Variants in RGS7 observed in about 807,000 individuals in gnomAD.
RGS7 encodes the protein regulator of G protein signaling 7, also known as regulator of G-protein signaling 7.
Under a neutral mutation model 81.1 loss-of-function variants are expected in RGS7, and 27 were observed. The observed-to-expected ratio is 0.33, with a 90% CI of 0.25 to 0.46. RGS7 has a LOEUF of 0.46. Among genes scored for constraint, RGS7 ranks in the 20% least tolerant of loss-of-function variants. The pLI, the probability that RGS7 is intolerant of heterozygous loss-of-function variation, is 1.00. For synonymous variants in RGS7, 208 were observed against 207.7 expected, an observed-to-expected ratio of 1.00 and a Z score of -0.01; for missense variants, 396 against 607.4, an observed-to-expected ratio of 0.65 and a Z score of 3.66.
At chr1:241,213,359 C>T (rs2074362524) in intron 2 of RGS7, among the ~76,000 whole-genome samples, 3 of 152,224 alleles carry the variant, frequency 2.0e-5, no homozygotes, top group East Asian at 1.9e-4. Context: ...CTCAGGCTGT[C>T]GGAACTCATG....
At chr1:240,999,631 C>CAG (rs1249147527) in intron 3 of RGS7, among the ~76,000 whole-genome samples, 1 of 152,132 alleles carries the variant, frequency 6.6e-6, no homozygotes, top group Non-Finnish European at 1.5e-5. Flanking sequence ...TACAGCGTCT[C>CAG]ACTCTGTCAC....
chr1:241,146,776 C>T lies in RGS7; in HGVS notation c.79-48014G>A, dbSNP rs117523918. On this transcript the variant is annotated intron_variant, in intron 2 of 18. Transcript: ENST00000440928. ...TTATACACAACAGGAATGTATTGCT[C>T]ACAGTTCTGGAGGCTGGGAAGTCCA... Among the ~76,000 whole-genome samples, 479 of 152,262 alleles carry T rather than the reference C, an allele frequency of 3.1e-3. 12 individuals carry two copies. In the East Asian group the frequency reaches 0.059, roughly 19 times the overall value.
chr1:241,148,506 C>T (rs2068519621), intron 2 of RGS7, among the ~76,000 whole-genome samples: 2 of 152,226 alleles, frequency 1.3e-5, no homozygotes, highest in African/African-American at 2.4e-5. Flanking sequence ...TATTCCCAGA[C>T]CTCAGCTCAG....
At chr1:240,953,006 T>C (rs1291697172) in intron 4 of RGS7, among the ~76,000 whole-genome samples, 1 of 151,936 alleles carries the variant, frequency 6.6e-6, no homozygotes, top group African/African-American at 2.4e-5. Flanking sequence ...AAATTGATTA[T>C]GAAGATCACT....
intron 2 of RGS7, among the ~76,000 whole-genome samples, chr1:241,104,784 A>T (rs2064998879): frequency 6.6e-6 from 1 of 152,200 alleles, no homozygotes; most frequent in Non-Finnish European, 1.5e-5. Context: ...TAGTAAAACT[A>T]TCTGTTTTCC....
At chr1:241,019,811 TA>T (rs2059450881) in intron 3 of RGS7, among the ~76,000 whole-genome samples, 1 of 152,236 alleles carries the variant, frequency 6.6e-6, no homozygotes, top group African/African-American at 2.4e-5. Flanking sequence ...AGTGCCACAA[TA>T]AACATGCATG....
rs10567618 is a variant in RGS7 at position 240,982,422 on chromosome 1, C to CA, written c.226+656dup. The stretch of plus-strand genomic sequence containing the variant: ...GGGCAACAAGAGTGAAACTCTGCCT[C>CA]AAAAAAAAAAAAAAAAAAAAAAAAA... On this transcript the variant is annotated intron_variant, in intron 4 of 18. Coordinates refer to ENST00000440928, the MANE Select transcript of RGS7 (RefSeq NM_001364886.1). Among the ~76,000 whole-genome samples the CA allele has an allele frequency of 2.4e-3, 159 of 66,222 alleles. 2 individuals are homozygous for CA. The highest frequency in any genetic ancestry group is 3.7e-3 in the African/African-American group (60 of 16,044). 43.4% of individuals were successfully genotyped at this position (66,222 alleles called of 152,430 possible). A position where few individuals can be genotyped will look rare whatever the true frequency, so the allele number is the denominator to read the frequency against.
chr1:241,155,287 A>G (rs927541236), intron 2 of RGS7, among the ~76,000 whole-genome samples: 2 of 152,068 alleles, frequency 1.3e-5, no homozygotes, highest in Admixed American at 1.3e-4. Flanking sequence ...TTTTTGGTAG[A>G]TATGGGTTTC....
chr1:240,929,463 T>TA (rs1352135237), intron 6 of RGS7, among the ~76,000 whole-genome samples: 14 of 150,964 alleles, frequency 9.3e-5, no homozygotes, highest in Non-Finnish European at 2.9e-5. Flanking sequence ...AATTTTTCGG[T>TA]ATTCTGGTTT....
intron 2 of RGS7, chr1:241,186,605 C>A (rs1441490141): frequency 6.3e-6 from 1 of 158,390 alleles, no homozygotes; most frequent in East Asian, 2.0e-4. Flanking sequence ...CTCACCACAA[C>A]CTCCGCCTCC....
intron 5 of RGS7, among the ~76,000 whole-genome samples, chr1:240,933,879 T>C (rs1676135430): frequency 6.6e-6 from 1 of 152,022 alleles, no homozygotes; most frequent in African/African-American, 2.4e-5. Flanking sequence ...TACTACAAAT[T>C]TGAGACAAAT....
intron 3 of RGS7, among the ~76,000 whole-genome samples, chr1:241,082,511 C>T (rs944045471): frequency 6.6e-6 from 1 of 152,266 alleles, no homozygotes; most frequent in South Asian, 2.1e-4. Context: ...CAGATGGATC[C>T]AACCACATTT....
At chr1:241,084,709 T>G (rs1258700891) in intron 3 of RGS7, among the ~76,000 whole-genome samples, 1 of 152,180 alleles carries the variant, frequency 6.6e-6, no homozygotes, top group Non-Finnish European at 1.5e-5. Flanking sequence ...GGACTAGAAG[T>G]CAAATTTCAA....
chr1:241,310,515 G>A (rs1283471434), intron 2 of RGS7, among the ~76,000 whole-genome samples: 1 of 151,348 alleles, frequency 6.6e-6, no homozygotes, highest in Non-Finnish European at 1.5e-5. Context: ...TGAGACAGAG[G>A]AAGAAAATAT....
At chr1:240,967,581 G>A (rs113496309) in intron 4 of RGS7, among the ~76,000 whole-genome samples, 55,639 of 139,066 alleles carry the variant, frequency 0.4, 11,249 homozygotes, top group South Asian at 0.43. Flanking sequence ...GGGGGGGGGG[G>A]AAAAGGCTGT....
At chr1:241,307,469 T>C (rs1360649443) in intron 2 of RGS7, among the ~76,000 whole-genome samples, 1 of 152,166 alleles carries the variant, frequency 6.6e-6, no homozygotes, top group African/African-American at 2.4e-5. Context: ...GCCCTTTAAA[T>C]CTATTTATTA....
intron 6 of RGS7, among the ~76,000 whole-genome samples, chr1:240,872,956 G>T (rs1283377242): frequency 6.6e-6 from 1 of 152,112 alleles, no homozygotes; most frequent in East Asian, 1.9e-4. Flanking sequence ...GCAGGCGCCT[G>T]TAGTCCCAGC....
At chr1:240,999,794 G>A (rs1014954274) in intron 3 of RGS7, among the ~76,000 whole-genome samples, 2 of 151,994 alleles carry the variant, frequency 1.3e-5, no homozygotes, top group Non-Finnish European at 2.9e-5. Flanking sequence ...GTAGAGACGG[G>A]GTTTCGCCAT....
intron 2 of RGS7, among the ~76,000 whole-genome samples, chr1:241,146,849 G>A (rs1039309100): frequency 6.6e-6 from 1 of 152,090 alleles, no homozygotes; most frequent in Admixed American, 6.5e-5. Context: ...CCCACTTTCT[G>A]ATTCATAGAT....
Sources: gnomAD v4.1 joint callset for allele counts (sites outside exome capture counted in the v4.1 genomes callset) on GRCh38, gnomAD v4.1.1 for gene constraint, MANE v1.5 for transcripts, NCBI Gene and HGNC (gene_info 2026-07-23, HGNC 2026-07-21) for gene names.